SLC24A4: variants seen among roughly 807,000 people sequenced by gnomAD.
SLC24A4 encodes solute carrier family 24 member 4, also known as sodium/potassium/calcium exchanger 4.
In SLC24A4, 53 loss-of-function variants were observed where a neutral mutation model predicts 79.0. The observed-to-expected ratio is 0.67, with a 90% CI of 0.54 to 0.84. The LOEUF (loss-of-function observed/expected upper bound fraction) is 0.84. SLC24A4 is among the 40% of genes least tolerant of loss of function. The pLI is 0.00. For synonymous variants in SLC24A4, 323 were observed against 323.8 expected (o/e 1.00, Z 0.03); for missense variants, 731 against 822.0 (o/e 0.89, Z 1.35).
chr14:92,478,440 A>G (rs1369530869), intron 12 of SLC24A4, among the ~76,000 whole-genome samples: 1 of 152,204 alleles, frequency 6.6e-6, no homozygotes, highest in African/African-American at 2.4e-5. Flanking sequence ...GTCAAATATC[A>G]AGATATTAAA....
intron 2 of SLC24A4, among the ~76,000 whole-genome samples, chr14:92,390,712 T>C (rs965104766): frequency 1.3e-5 from 2 of 152,178 alleles, no homozygotes; most frequent in African/African-American, 4.8e-5. Flanking sequence ...ACAGGCCGGC[T>C]GGCAGCATTT....
intron 2 of SLC24A4, among the ~76,000 whole-genome samples, chr14:92,383,952 G>C (rs1889001348): frequency 6.6e-6 from 1 of 152,230 alleles, no homozygotes; most frequent in Non-Finnish European, 1.5e-5. Flanking sequence ...GCTTTCAGCG[G>C]AGCAGAGCGG....
At chr14:92,482,276 C>T (rs1291769888) in intron 12 of SLC24A4, among the ~76,000 whole-genome samples, 1 of 152,234 alleles carries the variant, frequency 6.6e-6, no homozygotes, top group Non-Finnish European at 1.5e-5. Context: ...GTTGTTGTTA[C>T]ATCTAAGTTA....
chr14:92,379,158 G>A (rs1007973786), intron 2 of SLC24A4, among the ~76,000 whole-genome samples: 1 of 152,206 alleles, frequency 6.6e-6, no homozygotes, highest in African/African-American at 2.4e-5. Flanking sequence ...TCTTTGGCTA[G>A]TGTGCTTTTT....
chr14:92,359,352 G>A (rs555968429), intron 2 of SLC24A4, among the ~76,000 whole-genome samples: 1 of 152,210 alleles, frequency 6.6e-6, no homozygotes, highest in Admixed American at 6.5e-5. Context: ...AAGGCAGGCG[G>A]ATCATGAGGT....
At position 92,442,793 on chromosome 14, in the gene SLC24A4, G is replaced by T; in HGVS notation, c.559G>T (p.Val187Leu). ...AVFNILCIIG[V>L]CGLFAGQVVR... ...GTTCAACATCCTGTGCATAATTGGA[G>T]TGTGCGGACTGTTTGCTGGCCAGGT... Residue 187 changes from valine to leucine, a missense_variant, in exon 6 of 17, where the codon GTG (valine) becomes TTG (leucine). Coordinates refer to ENST00000532405, the MANE Select transcript of SLC24A4 (RefSeq NM_153646.4). 6.2e-7 allele frequency: 1 copy of T among 1,614,150 alleles called. No homozygotes were observed. Among genetic ancestry groups the T allele is most frequent in the South Asian group, 1.1e-5 (1 of 91,090 alleles).
At chr14:92,481,363 C>A (rs976884024) in intron 12 of SLC24A4, among the ~76,000 whole-genome samples, 27 of 152,226 alleles carry the variant, frequency 1.8e-4, no homozygotes, top group African/African-American at 6.5e-4. Context: ...CTTCCAGCAA[C>A]ATGATTTAAT....
In SLC24A4 at chr14:92,491,757, G is replaced by T. The variant is rs772711392; in HGVS notation, c.1630G>T (p.Val544Phe). Residue 544 changes from valine to phenylalanine, a missense_variant, in exon 15 of 17, where the codon GTT becomes TTT. Coordinates refer to ENST00000532405, the MANE Select transcript of SLC24A4 (RefSeq NM_153646.4). Reference sequence around the variant, plus strand: ...TGTACCGTGGGGCCTGCAGACCATGGTTGTTAATTATGGATCAACAGTAAG... The same window carrying T: ...TGTACCGTGGGGCCTGCAGACCATGTTTGTTAATTATGGATCAACAGTAAG... The part of the protein sequence containing the change: ...LGVPWGLQTM[V>F]VNYGSTVKIN... 1 of 1,613,238 alleles carries T rather than the reference G, an allele frequency of 6.2e-7. No homozygotes were observed. Among genetic ancestry groups the T allele is most frequent in the Non-Finnish European group, 8.5e-7 (1 of 1,179,194 alleles).
At chr14:92,352,826 A>G (rs1220319032) in intron 2 of SLC24A4, among the ~76,000 whole-genome samples, 1 of 152,170 alleles carries the variant, frequency 6.6e-6, no homozygotes, top group Admixed American at 6.5e-5. Flanking sequence ...CATTCAGGAA[A>G]GGAATTGAGG....
At chr14:92,348,686 G>A (rs1402810361) in intron 2 of SLC24A4, among the ~76,000 whole-genome samples, 1 of 152,116 alleles carries the variant, frequency 6.6e-6, no homozygotes, top group African/African-American at 2.4e-5. Flanking sequence ...ACTAAGACAA[G>A]ATTGCCACTT....
Position 92,493,372 on chromosome 14 carries a change from T to C in SLC24A4, c.1717-104T>C, listed in dbSNP as rs530150161. Reference sequence around the variant, plus strand: ...CACCCCGCTACACTTGCCCACATTCTGCAGAATGTTCTAGGTTTCCCCACA... The same window carrying C: ...CACCCCGCTACACTTGCCCACATTCCGCAGAATGTTCTAGGTTTCCCCACA... On this transcript the variant is annotated intron_variant, in intron 16 of 16. Coordinates refer to ENST00000532405, the MANE Select transcript of SLC24A4 (RefSeq NM_153646.4). 5.0e-6 allele frequency: 7 copies of C among 1,392,712 alleles called. No homozygotes were observed. In the Admixed American group the frequency reaches 1.2e-4, roughly 24 times the overall value. 86.3% of individuals were successfully genotyped at this position (1,392,712 alleles called of 1,614,324 possible). A position where few individuals can be genotyped will look rare whatever the true frequency, so the allele number is the denominator to read the frequency against.
At chr14:92,378,719 A>G (rs8009745) in intron 2 of SLC24A4, among the ~76,000 whole-genome samples, 15,402 of 152,222 alleles carry the variant, frequency 0.1, 2,630 homozygotes, top group African/African-American at 0.35. Context: ...ATTAAAGTTA[A>G]TGATAACAGC....
chr14:92,364,224 C>T (rs1887695361), intron 2 of SLC24A4, among the ~76,000 whole-genome samples: 1 of 152,234 alleles, frequency 6.6e-6, no homozygotes, highest in Non-Finnish European at 1.5e-5. Flanking sequence ...GTGAGTGCCT[C>T]AGCTCACCAC....
At chr14:92,438,494 C>T (rs1268431370) in intron 3 of SLC24A4, among the ~76,000 whole-genome samples, 1 of 151,920 alleles carries the variant, frequency 6.6e-6, no homozygotes, top group African/African-American at 2.4e-5. Context: ...GTGGTGTGCA[C>T]CTGTAGTCCC....
chr14:92,396,739 T>A (rs1889800817), intron 2 of SLC24A4, among the ~76,000 whole-genome samples: 1 of 152,260 alleles, frequency 6.6e-6, no homozygotes, highest in African/African-American at 2.4e-5. Flanking sequence ...TCCATTTATC[T>A]ACTCTCTTCT....
chr14:92,370,190 A>C (rs1193639908), intron 2 of SLC24A4, among the ~76,000 whole-genome samples: 1 of 152,220 alleles, frequency 6.6e-6, no homozygotes, highest in Non-Finnish European at 1.5e-5. Flanking sequence ...ATAGAATTTA[A>C]ACACAGTTGA....
At chr14:92,393,151 C>T (rs1198061984) in intron 2 of SLC24A4, among the ~76,000 whole-genome samples, 1 of 152,270 alleles carries the variant, frequency 6.6e-6, no homozygotes, top group Non-Finnish European at 1.5e-5. Flanking sequence ...TCTGCTGGGG[C>T]TTCGATCTTA....
At chr14:92,480,338 C>A (rs1438892915) in intron 12 of SLC24A4, among the ~76,000 whole-genome samples, 1 of 111,688 alleles carries the variant, frequency 9.0e-6, no homozygotes, top group Admixed American at 1.2e-4. Context: ...CCAGGCCGAA[C>A]TGCGGACTGC....
intron 12 of SLC24A4, among the ~76,000 whole-genome samples, chr14:92,472,426 A>G (rs1391054410): frequency 1.3e-5 from 2 of 152,000 alleles, no homozygotes; most frequent in South Asian, 2.1e-4. Context: ...CGAGTCCCCA[A>G]AGTCCACTGT....
Sources: allele counts gnomAD v4.1 joint callset (sites outside exome capture counted in the v4.1 genomes callset), GRCh38; gene constraint gnomAD v4.1.1; transcripts MANE v1.5; gene names NCBI Gene and HGNC (gene_info 2026-07-23, HGNC 2026-07-21).